Variants in WFDC11 observed in about 807,000 individuals in gnomAD.
The protein encoded by WFDC11 is WAP four-disulfide core domain 11, also known as protein WFDC11.
A neutral mutation model predicts 9.9 loss-of-function variants in WFDC11; 9 were observed. That is an observed-to-expected ratio of 0.91 (90% CI 0.55 to 1.58). The LOEUF is 1.58. Ranked by LOEUF, WFDC11 falls within the 40% of genes most tolerant of loss-of-function variation. The pLI, the probability that WFDC11 is intolerant of heterozygous loss-of-function variation, is 0.00. For synonymous variants in WFDC11, 32 were observed against 33.3 expected (o/e 0.96, Z 0.13); for missense variants, 106 against 101.7 (o/e 1.04, Z -0.18).
At chr20:45,663,968 C>T (rs1983130932) in intron 2 of WFDC11, among the ~76,000 whole-genome samples, 1 of 152,074 alleles carries the variant, frequency 6.6e-6, no homozygotes, top group Non-Finnish European at 1.5e-5. Flanking sequence ...AGTTCAAGTC[C>T]TGGATATCCT....
chr20:45,655,384 C>T (rs6065853), intron 2 of WFDC11, among the ~76,000 whole-genome samples: 1 of 152,096 alleles, frequency 6.6e-6, no homozygotes, highest in South Asian at 2.1e-4. Flanking sequence ...ATTCAACAAC[C>T]CTTCATGCTA....
At chr20:45,648,931 A>G (rs1982742852) in intron 4 of WFDC11, among the ~76,000 whole-genome samples, 192 bp from the exon 5 acceptor site, 2 of 152,228 alleles carry the variant, frequency 1.3e-5, no homozygotes, top group African/African-American at 2.4e-5. Flanking sequence ...GGCCTGGCTG[A>G]GCCAAATGGC....
At chr20:45,656,526 G>T (rs1002703415) in intron 2 of WFDC11, among the ~76,000 whole-genome samples, 2 of 152,178 alleles carry the variant, frequency 1.3e-5, no homozygotes, top group African/African-American at 4.8e-5. Flanking sequence ...ATAGGCATGG[G>T]CAAGGACTTC....
chr20:45,668,890 G>GTATT (rs904173098), intron 1 of WFDC11, among the ~76,000 whole-genome samples: 1 of 152,186 alleles, frequency 6.6e-6, no homozygotes, highest in Admixed American at 6.5e-5. Flanking sequence ...AAATCCTTGA[G>GTATT]TATTTATTTA....
chr20:45,650,425 A>T, intron 3 of WFDC11, 76 bp downstream of exon 3: 1 of 1,226,832 alleles, frequency 8.2e-7, no homozygotes, highest in South Asian at 1.2e-5. Flanking sequence ...GATACAGCGG[A>T]CAATGAAACC....
intron 2 of WFDC11, among the ~76,000 whole-genome samples, chr20:45,652,677 C>T (rs1982835605): frequency 6.6e-6 from 1 of 151,972 alleles, no homozygotes; most frequent in Non-Finnish European, 1.5e-5. Flanking sequence ...ATTTAAAAAC[C>T]TTGAAAAAAA....
At chr20:45,660,744 A>G (rs1415155528) in intron 2 of WFDC11, among the ~76,000 whole-genome samples, 1 of 152,126 alleles carries the variant, frequency 6.6e-6, no homozygotes, top group African/African-American at 2.4e-5. Flanking sequence ...AAGGACATGA[A>G]CTCACCATTT....
chr20:45,650,577 C>T lies in WFDC11; in HGVS notation c.24G>A (p.Trp8Ter). 6.2e-7 allele frequency: 1 copy of T among 1,614,060 alleles called. No homozygotes were observed. Among genetic ancestry groups the T allele is most frequent in the African/African-American group, 1.3e-5 (1 of 75,004 alleles). Residue 8 changes from tryptophan to a stop codon, truncating the protein, a stop_gained, in exon 3 of 5, where the codon TGG becomes TGA. Transcript: ENST00000324384. LOFTEE classifies it high-confidence loss of function. MVSLMKL[W>*]IPMLMTFFCT... is the part of the protein sequence containing the mutation. ...AGAAGAATGTCATGAGCATGGGTAT[C>T]CAGAGCTTCATGAGGCTGACCATAT... is the stretch of plus-strand genomic sequence containing the variant.
intron 2 of WFDC11, among the ~76,000 whole-genome samples, chr20:45,662,533 C>T (rs965841684): frequency 2.0e-5 from 3 of 152,158 alleles, no homozygotes; most frequent in African/African-American, 4.8e-5. Flanking sequence ...TTTGCCCATT[C>T]AGGATGATAT....
intron 2 of WFDC11, among the ~76,000 whole-genome samples, chr20:45,663,568 C>T (rs1191285824): frequency 3.9e-5 from 6 of 152,168 alleles, no homozygotes; most frequent in East Asian, 1.9e-4. Context: ...GCATTTAGTG[C>T]TATAAATTTC....
In WFDC11 at chr20:45,649,364, G is replaced by A. The variant is rs766194770; in HGVS notation, c.136C>T (p.Pro46Ser). Residue 46 changes from proline to serine, a missense_variant, in exon 4 of 5, where the codon CCA (proline) becomes TCA (serine). By Grantham distance (74) the Pro-to-Ser change is moderately conservative (BLOSUM62 -1). Coordinates refer to ENST00000324384, the MANE Select transcript of WFDC11 (RefSeq NM_147197.2). ...ELLLEECWGK[P>S]NVKECTNKCS... The stretch of plus-strand genomic sequence containing the variant: ...TTATTGGTACATTCTTTGACATTTG[G>A]CTTTCCCCAGCATTCTTCAAGTAAC... 8.7e-6 allele frequency: 14 copies of A among 1,614,038 alleles called. No individual in the cohort carries two copies. The Admixed American group carries it at 1.3e-4, about 15-fold the overall frequency.
At chr20:45,651,918 T>G (rs531529543) in intron 2 of WFDC11, among the ~76,000 whole-genome samples, 2 of 152,064 alleles carry the variant, frequency 1.3e-5, no homozygotes, top group African/African-American at 4.8e-5. Context: ...GAGGTTTGAG[T>G]AGGTAAACAA....
Position 45,650,589 on chromosome 20 carries a change from G to A in WFDC11, c.12C>T (p.Leu4=), listed in dbSNP as rs1982785973. Residue 4 remains leucine (L), a synonymous_variant, in exon 3 of 5, where the codon CTC becomes CTT. Coordinates refer to ENST00000324384, the MANE Select transcript of WFDC11 (RefSeq NM_147197.2). ...TGAGCATGGGTATCCAGAGCTTCAT[G>A]AGGCTGACCATATGTGTCTGAATAT... MVS[L]MKLWIPMLMT... The A allele has an allele frequency of 1.9e-6, 3 of 1,613,952 alleles. No individual in the cohort carries two copies. Among genetic ancestry groups the A allele is most frequent in the African/African-American group, 2.7e-5 (2 of 74,908 alleles).
rs545311119 is a variant in WFDC11 at position 45,653,248 on chromosome 20, G to A, written c.-51-2597C>T. On this transcript the variant is annotated intron_variant, in intron 2 of 4. Coordinates refer to ENST00000324384, the MANE Select transcript of WFDC11 (RefSeq NM_147197.2). ...GGATCTCTCGGCAGAAACTCTACAAGCCAGAAGAGAGTGGGGGCCAATATT... is the reference window on the plus strand; with the variant it reads ...GGATCTCTCGGCAGAAACTCTACAAACCAGAAGAGAGTGGGGGCCAATATT... Among the ~76,000 whole-genome samples the A allele has an allele frequency of 3.2e-3, 488 of 152,226 alleles. 4 individuals are homozygous for A. Among genetic ancestry groups the A allele is most frequent in the African/African-American group, 0.011 (451 of 41,542 alleles).
rs546303500 is a variant in WFDC11, at chr20:45,660,234, G to A, written c.-52+6854C>T. Among the ~76,000 whole-genome samples the A allele has an allele frequency of 1.2e-3, 188 of 152,108 alleles. 1 individual carries two copies. In the Middle Eastern group the frequency reaches 0.014, roughly 11 times the overall value. On this transcript the variant is annotated intron_variant, in intron 2 of 4. Transcript: ENST00000324384. Reference sequence around the variant, plus strand: ...TTGTGTCACTATTGTTGTTAAGTTCGAATAATTTTTTAATTTCCATCTTGA... The same window carrying A: ...TTGTGTCACTATTGTTGTTAAGTTCAAATAATTTTTTAATTTCCATCTTGA...
At chr20:45,666,512 C>G (rs562674813) in intron 2 of WFDC11, among the ~76,000 whole-genome samples, 1 of 152,212 alleles carries the variant, frequency 6.6e-6, no homozygotes, top group Non-Finnish European at 1.5e-5. Flanking sequence ...GCATTGATCA[C>G]GCTGGGAGCT....
At position 45,660,407 on chromosome 20, in the gene WFDC11, T is replaced by C. The variant is rs191376560; in HGVS notation, c.-52+6681A>G. Among the ~76,000 whole-genome samples the C allele has an allele frequency of 2.1e-3, 318 of 151,526 alleles. 2 individuals carry two copies. The highest frequency in any genetic ancestry group is 7.4e-3 in the African/African-American group (308 of 41,480). On this transcript the variant is annotated intron_variant, in intron 2 of 4. Transcript: ENST00000324384. ...TTGATATAATTTCAATTTCCTTTTT[T>C]TGAAATTTTATTTTATTATTATTAT...
chr20:45,651,129 A>G (rs2868312), intron 2 of WFDC11, among the ~76,000 whole-genome samples: 51,480 of 152,042 alleles, frequency 0.34, 8,811 homozygotes, highest in South Asian at 0.46. Context: ...ATGAGTTCTC[A>G]TCATTTAGCT....
At chr20:45,664,248 C>CT (rs549440758) in intron 2 of WFDC11, among the ~76,000 whole-genome samples, 4,020 of 151,222 alleles carry the variant, frequency 0.027, 144 homozygotes, top group African/African-American at 0.08. Flanking sequence ...GTGACCCCTG[C>CT]TTTTTTTTTG....
Sources: allele counts gnomAD v4.1 joint callset (sites outside exome capture counted in the v4.1 genomes callset), GRCh38; gene constraint gnomAD v4.1.1; transcripts MANE v1.5; gene names NCBI Gene and HGNC (gene_info 2026-07-23, HGNC 2026-07-21).